Variants in C11orf52 observed in about 807,000 individuals in gnomAD.
C11orf52 encodes chromosome 11 open reading frame 52, also known as uncharacterized protein C11orf52.
C11orf52 carries 9 observed loss-of-function variants against 11.7 expected under a neutral mutation model. That is an observed-to-expected ratio of 0.77 (90% CI 0.46 to 1.34). The LOEUF (loss-of-function observed/expected upper bound fraction) is 1.34, where lower values mean the gene tolerates loss of function less well. Ranked by LOEUF, C11orf52 falls within the 40% of genes most tolerant of loss-of-function variation. C11orf52 has a pLI of 0.00. For missense variants in C11orf52, 139 were observed against 154.8 expected, an observed-to-expected ratio of 0.90 and a Z score of 0.54; for synonymous variants, 49 against 57.4, an observed-to-expected ratio of 0.85 and a Z score of 0.66.
intron 2 of C11orf52, among the ~76,000 whole-genome samples, chr11:111,924,849 G>A (rs1253685930): frequency 2.6e-5 from 4 of 152,214 alleles, no homozygotes; most frequent in Admixed American, 2.0e-4. Context: ...AGGGCCAGGC[G>A]TAGTGCCTCA....
chr11:111,921,838 A>T (rs1010602923), intron 1 of C11orf52, among the ~76,000 whole-genome samples: 46 of 148,176 alleles, frequency 3.1e-4, no homozygotes, highest in Middle Eastern at 3.5e-3. Context: ...TATCATACTC[A>T]TTTTTTTTTT....
Position 111,920,276 on chromosome 11 carries a change from C to T in C11orf52, c.32+1272C>T, listed in dbSNP as rs111627330. On this transcript the variant is annotated intron_variant, in intron 1 of 3. Coordinates refer to ENST00000278601, the MANE Select transcript of C11orf52 (RefSeq NM_080659.3). The stretch of plus-strand genomic sequence containing the variant: ...AGTGGTCGGATGCAGTGACTCACAC[C>T]TGTAATCCTAGCACTTTGGGAGGCT... 2.2e-3 allele frequency among the ~76,000 whole-genome samples: 331 copies of T among 152,062 alleles called. 6 individuals are homozygous for T. Among genetic ancestry groups the T allele is most frequent in the African/African-American group, 7.6e-3 (315 of 41,500 alleles).
In C11orf52 at chr11:111,919,042, C is replaced by T. The variant is rs782523540; in HGVS notation, c.32+38C>T. 9 of 1,612,428 alleles carry T rather than the reference C, an allele frequency of 5.6e-6. No individual in the cohort carries two copies. In the East Asian group the frequency reaches 2.0e-4, roughly 36 times the overall value. On this transcript the variant is annotated intron_variant, in intron 1 of 3. Transcript: ENST00000278601. Reference sequence around the variant, plus strand: ...GAAGGGCAAAGGGGAACATCTATCTCTGTTGGTGGATGTAGAGGCCCCGAA... The same window carrying T: ...GAAGGGCAAAGGGGAACATCTATCTTTGTTGGTGGATGTAGAGGCCCCGAA...
At chr11:111,920,659 G>C (rs1431167215) in intron 1 of C11orf52, among the ~76,000 whole-genome samples, 2 of 152,176 alleles carry the variant, frequency 1.3e-5, no homozygotes, top group African/African-American at 4.8e-5. Flanking sequence ...AGGTACTTGG[G>C]AGGCTGAGGC....
In C11orf52 at chr11:111,926,475, A is replaced by C. The variant is rs1965814126; in HGVS notation, c.*276A>C. 2 of 494,240 alleles carry C rather than the reference A, an allele frequency of 4.0e-6. No homozygotes were observed. Among genetic ancestry groups the C allele is most frequent in the Non-Finnish European group, 3.6e-6 (1 of 274,710 alleles). 30.6% of individuals were successfully genotyped at this position (494,240 alleles called of 1,614,324 possible). A position where few individuals can be genotyped will look rare whatever the true frequency, so the allele number is the denominator to read the frequency against. On this transcript the variant is annotated 3_prime_UTR_variant, in exon 4 of 4. Coordinates refer to ENST00000278601, the MANE Select transcript of C11orf52 (RefSeq NM_080659.3). ...GAGTGTGCAGGGAGGTAGGTCTTCG[A>C]CCCCACCATTGTTGCTCCTGCTCTT...
chr11:111,919,813 C>T (rs1965660182), intron 1 of C11orf52, among the ~76,000 whole-genome samples: 1 of 152,204 alleles, frequency 6.6e-6, no homozygotes, highest in Admixed American at 6.5e-5. Flanking sequence ...CCAACTGAGG[C>T]CCACCTGACT....
rs1555166878 is a variant in C11orf52, at chr11:111,925,714, G to A, written c.132G>A (p.Lys44=). 6.2e-7 allele frequency: 1 copy of A among 1,614,228 alleles called. No homozygotes were observed. The highest frequency in any genetic ancestry group is 2.2e-5 in the East Asian group (1 of 44,888). Residue 44 remains lysine, a splice_region_variant and synonymous_variant, in exon 3 of 4, where the codon AAG becomes AAA. Transcript: ENST00000278601. ...AACAGCTGCAGCAGAATCTCCCAAAGGTAATGACAGGTCTCTGTCCCCTCT... is the reference window on the plus strand; with the variant it reads ...AACAGCTGCAGCAGAATCTCCCAAAAGTAATGACAGGTCTCTGTCCCCTCT... ...QPQQLQQNLP[K]GHETTGHTYE...
chr11:111,920,143 C>T (rs1965667601), intron 1 of C11orf52, among the ~76,000 whole-genome samples: 1 of 151,626 alleles, frequency 6.6e-6, no homozygotes, highest in South Asian at 2.1e-4. Flanking sequence ...TGCAGTGAGC[C>T]GAGATTGCAC....
intron 2 of C11orf52, among the ~76,000 whole-genome samples, chr11:111,924,861 G>A (rs782155736): frequency 1.3e-5 from 2 of 152,202 alleles, no homozygotes; most frequent in Non-Finnish European, 2.9e-5. Context: ...AGTGCCTCAC[G>A]TCTGTAATCC....
At chr11:111,921,045 G>C (rs1965689958) in intron 1 of C11orf52, among the ~76,000 whole-genome samples, 1 of 152,178 alleles carries the variant, frequency 6.6e-6, no homozygotes, top group South Asian at 2.1e-4. Context: ...TCACTGCCAT[G>C]CCGTAAATTC....
intron 2 of C11orf52, 64 bp from the exon 3 acceptor site, chr11:111,925,581 TGATTTGAA>T: frequency 2.1e-6 from 3 of 1,451,970 alleles, no homozygotes; most frequent in Non-Finnish European, 2.9e-6. Flanking sequence ...AGTTTAATAG[TGATTTGAA>T]GAAGGCAATC....
intron 1 of C11orf52, among the ~76,000 whole-genome samples, chr11:111,919,662 CTCATT>C (rs1555166364): frequency 1.3e-5 from 2 of 152,148 alleles, no homozygotes; most frequent in Non-Finnish European, 2.9e-5. Flanking sequence ...ATTTTACAGT[CTCATT>C]TAATTTTTCC....
In C11orf52 at chr11:111,926,609, GA is replaced by G; in HGVS notation, c.*412del. 5.0e-6 allele frequency: 1 copy of G among 199,418 alleles called. No homozygotes were observed. Among genetic ancestry groups the G allele is most frequent in the Admixed American group, 5.3e-5 (1 of 18,932 alleles). The allele number at this position is 199,418 out of a possible 1,614,324, so 12.4% of individuals were successfully genotyped here. ...TTCACACACCTTAAACTCCAAAGCT[GA>G]AGGGGAGGTGCTCCGGAAAAGCATT... On this transcript the variant is annotated 3_prime_UTR_variant, in exon 4 of 4. Coordinates refer to ENST00000278601, the MANE Select transcript of C11orf52 (RefSeq NM_080659.3).
In C11orf52 at chr11:111,926,130, A is replaced by G. The variant is rs1555166961; in HGVS notation, c.303A>G (p.Thr101=). 2 of 1,614,258 alleles carry G rather than the reference A, an allele frequency of 1.2e-6. No individual in the cohort carries two copies. Among genetic ancestry groups the G allele is most frequent in the Admixed American group, 1.7e-5 (1 of 60,034 alleles). Residue 101 remains threonine, a synonymous_variant, in exon 4 of 4, where the codon ACA becomes ACG. Transcript: ENST00000278601. Reference sequence around the variant, plus strand: ...AACACGTGCATTTAGAAAACGCTACAGAGTATGCGACCCTTCGCTTCCCCC... The same window carrying G: ...AACACGTGCATTTAGAAAACGCTACGGAGTATGCGACCCTTCGCTTCCCCC... ...EVKHVHLENA[T]EYATLRFPQA... is the part of the protein sequence containing the mutation.
chr11:111,926,190 C>A lies in C11orf52; in HGVS notation c.363C>A (p.Thr121=). ...ATPRYDSKNG[T]LV is the part of the protein sequence containing the mutation. ...CTCGCTATGACAGCAAGAACGGGACCCTGGTGTGAGCGCTTGGGAGGAAGG... is the reference window on the plus strand; with the variant it reads ...CTCGCTATGACAGCAAGAACGGGACACTGGTGTGAGCGCTTGGGAGGAAGG... The change falls in exon 4 of 4, where the codon ACC becomes ACA. Residue 121 remains threonine (T), a synonymous_variant. Coordinates refer to ENST00000278601, the MANE Select transcript of C11orf52 (RefSeq NM_080659.3). 3 of 1,613,920 alleles carry A rather than the reference C, an allele frequency of 1.9e-6. No homozygotes were observed. Among genetic ancestry groups the A allele is most frequent in the Non-Finnish European group, 2.5e-6 (3 of 1,179,888 alleles).
At chr11:111,922,437 T>G (rs782617368) in intron 1 of C11orf52, among the ~76,000 whole-genome samples, 9 of 152,218 alleles carry the variant, frequency 5.9e-5, no homozygotes, top group Non-Finnish European at 1.0e-4. Context: ...AAGGTAATAA[T>G]CATTCATTGC....
rs185774654 is a variant in C11orf52, at chr11:111,926,777, C to G, written c.*578C>G. The G allele has an allele frequency of 5.5e-3, 856 of 156,104 alleles. 7 individuals carry two copies. The highest frequency in any genetic ancestry group is 0.013 in the Middle Eastern group (4 of 298). The allele number at this position is 156,104 out of a possible 1,614,324, so 9.7% of individuals were successfully genotyped here. A position where few individuals can be genotyped will look rare whatever the true frequency, so the allele number is the denominator to read the frequency against. ...TTTCAGGACCTCAAGTCAGTGATAACCGACAGCACAGTGAGGCCTGGAAAC... is the reference window on the plus strand; with the variant it reads ...TTTCAGGACCTCAAGTCAGTGATAAGCGACAGCACAGTGAGGCCTGGAAAC... On this transcript the variant is annotated 3_prime_UTR_variant, in exon 4 of 4. Coordinates refer to ENST00000278601, the MANE Select transcript of C11orf52 (RefSeq NM_080659.3).
At chr11:111,924,679 T>G (rs1444016581) in intron 2 of C11orf52, among the ~76,000 whole-genome samples, 1 of 152,226 alleles carries the variant, frequency 6.6e-6, no homozygotes, top group African/African-American at 2.4e-5. Flanking sequence ...GAAAGACACA[T>G]GATCTCAGCC....
At chr11:111,924,282 G>A (rs1555166746) in intron 1 of C11orf52, 44 bp from the exon 2 acceptor site, 1 of 1,596,702 alleles carries the variant, frequency 6.3e-7, no homozygotes, top group African/African-American at 1.3e-5. Flanking sequence ...GGAAGGCAGA[G>A]GCCAGGGCTC....
Sources: gnomAD v4.1 joint callset for allele counts (sites outside exome capture counted in the v4.1 genomes callset) on GRCh38, gnomAD v4.1.1 for gene constraint, MANE v1.5 for transcripts, NCBI Gene and HGNC (gene_info 2026-07-23, HGNC 2026-07-21) for gene names.